The following HOOK1 variants were observed in gnomAD, a reference collection of about 807,000 sequenced individuals.
The protein encoded by HOOK1 is hook microtubule tethering protein 1.
Under a neutral mutation model 112.8 loss-of-function variants are expected in HOOK1, and 60 were observed. The ratio of observed to expected loss-of-function variants is 0.53; its 90% CI spans 0.43 to 0.66. The LOEUF is 0.66. Ranked by LOEUF, HOOK1 falls within the 30% of genes least tolerant of loss-of-function variation. The pLI is 0.00. For synonymous variants in HOOK1, 294 were observed against 283.8 expected, an observed-to-expected ratio of 1.04 and a Z score of -0.36; for missense variants, 770 against 856.0, an observed-to-expected ratio of 0.90 and a Z score of 1.25.
chr1:59,859,410 A>AT (rs1168274965), intron 14 of HOOK1, among the ~76,000 whole-genome samples: 1 of 152,084 alleles, frequency 6.6e-6, no homozygotes, highest in Non-Finnish European at 1.5e-5. Context: ...GAAGTGGTAA[A>AT]TGTATAAAGG....
chr1:59,840,560 A>G (rs2098400535), intron 8 of HOOK1, among the ~76,000 whole-genome samples, 169 bp downstream of exon 8: 1 of 152,108 alleles, frequency 6.6e-6, no homozygotes, highest in Non-Finnish European at 1.5e-5. Flanking sequence ...AATTTCATAA[A>G]TATTTTTCTC....
chr1:59,862,745 T>TAACTGTAGA, intron 15 of HOOK1, 39 bp from the exon 16 acceptor site: 1 of 1,272,714 alleles, frequency 7.9e-7, no homozygotes, highest in Middle Eastern at 1.9e-4. Context: ...TGCTTTGACT[T>TAACTGTAGA]TCAATACAAG....
intron 16 of HOOK1, chr1:59,863,915 G>C (rs2098414917): frequency 1.4e-6 from 1 of 697,524 alleles, no homozygotes; most frequent in Admixed American, 6.3e-5. Context: ...CCATACTAGA[G>C]AATACTTTTA....
chr1:59,857,443 A>G (rs2098411301), intron 12 of HOOK1, among the ~76,000 whole-genome samples: 1 of 152,226 alleles, frequency 6.6e-6, no homozygotes, highest in Non-Finnish European at 1.5e-5. Flanking sequence ...AGACTGTTGT[A>G]GGCCTTTGGT....
At chr1:59,839,273 AT>A (rs909046570) in intron 7 of HOOK1, among the ~76,000 whole-genome samples, 2 of 152,154 alleles carry the variant, frequency 1.3e-5, no homozygotes, top group African/African-American at 4.8e-5. Flanking sequence ...CTTTGAATCT[AT>A]AAATTACCTT....
At chr1:59,852,899 T>G (rs919304698) in intron 12 of HOOK1, among the ~76,000 whole-genome samples, 3 of 151,960 alleles carry the variant, frequency 2.0e-5, no homozygotes, top group Non-Finnish European at 4.4e-5. Flanking sequence ...TGGTTACTTA[T>G]GAGTATCTTG....
At chr1:59,863,007 ATC>A in intron 16 of HOOK1, 130 bp downstream of exon 16, 1 of 495,816 alleles carries the variant, frequency 2.0e-6, no homozygotes. Context: ...TACCGTATAT[ATC>A]TGCATAATAG....
At chr1:59,845,915 A>G (rs1419555524) in intron 9 of HOOK1, among the ~76,000 whole-genome samples, 1 of 151,864 alleles carries the variant, frequency 6.6e-6, no homozygotes, top group Non-Finnish European at 1.5e-5. Flanking sequence ...TGTTTTCTGA[A>G]AGAGTTTATG....
intron 1 of HOOK1, among the ~76,000 whole-genome samples, chr1:59,816,890 G>A (rs1177251941): frequency 2.6e-5 from 4 of 152,106 alleles, no homozygotes; most frequent in Non-Finnish European, 4.4e-5. Context: ...ACTGTCAAAC[G>A]CACCTTTTCT....
At chr1:59,863,217 G>T (rs575475668) in intron 16 of HOOK1, among the ~76,000 whole-genome samples, 3 of 152,270 alleles carry the variant, frequency 2.0e-5, no homozygotes, top group African/African-American at 7.2e-5. Flanking sequence ...TCATAGTTCT[G>T]CTGGAATTCC....
At position 59,876,005 on chromosome 1, in the gene HOOK1, G is replaced by T. The variant is rs530937479; in HGVS notation, c.*3040G>T. 19 of 152,752 alleles carry T rather than the reference G, an allele frequency of 1.2e-4. No individual in the cohort carries two copies. The highest frequency in any genetic ancestry group is 4.3e-4 in the African/African-American group (18 of 41,574). The allele number at this position is 152,752 out of a possible 1,614,324, so 9.5% of individuals were successfully genotyped here. A position where few individuals can be genotyped will look rare whatever the true frequency, so the allele number is the denominator to read the frequency against. On this transcript the variant is annotated 3_prime_UTR_variant, in exon 22 of 22. Coordinates refer to ENST00000371208, the MANE Select transcript of HOOK1 (RefSeq NM_015888.6). ...TGGGGATGGCCTTTAGGCCACAGTA[G>T]TGTCTGTGTTAAGTTCACTAAATGT...
chr1:59,855,787 T>A (rs1185375390), intron 12 of HOOK1, among the ~76,000 whole-genome samples: 2 of 150,144 alleles, frequency 1.3e-5, no homozygotes, highest in Non-Finnish European at 3.0e-5. Flanking sequence ...ATTTTATTTT[T>A]TTTGAGACAT....
chr1:59,842,823 T>G (rs747598375), intron 8 of HOOK1, among the ~76,000 whole-genome samples: 1 of 151,838 alleles, frequency 6.6e-6, no homozygotes, highest in Non-Finnish European at 1.5e-5. Flanking sequence ...AAAATATGAA[T>G]AAAAAAAATT....
At chr1:59,871,201 C>G in intron 21 of HOOK1, 91 bp downstream of exon 21, 3 of 810,922 alleles carry the variant, frequency 3.7e-6, no homozygotes, top group South Asian at 3.3e-5. Context: ...TATATTTTAT[C>G]TTATACCATA....
At position 59,860,344 on chromosome 1, in the gene HOOK1, G is replaced by A. The variant is rs1353995701; in HGVS notation, c.1532+16G>A. 5.2e-6 allele frequency: 8 copies of A among 1,533,626 alleles called. No homozygotes were observed. Among genetic ancestry groups the A allele is most frequent in the Non-Finnish European group, 7.0e-6 (8 of 1,142,912 alleles). ...CTGAGCAGAGGTGATATGCTCCTTA[G>A]TAACTGAAAATCTTGGTGATTTTAT... On this transcript the variant is annotated intron_variant, in intron 15 of 21. Coordinates refer to ENST00000371208, the MANE Select transcript of HOOK1 (RefSeq NM_015888.6).
intron 7 of HOOK1, 52 bp downstream of exon 7, chr1:59,836,987 T>G: frequency 8.8e-7 from 1 of 1,132,168 alleles, no homozygotes; most frequent in East Asian, 2.4e-5. Context: ...TAGGGTTTCT[T>G]TGCCAATTAC....
At chr1:59,819,753 T>C (rs1418285179) in intron 1 of HOOK1, among the ~76,000 whole-genome samples, 2 of 152,218 alleles carry the variant, frequency 1.3e-5, no homozygotes, top group East Asian at 3.9e-4. Flanking sequence ...ACTTCTAAGT[T>C]ACACATTAAA....
rs748717147 is a variant in HOOK1 at position 59,846,965 on chromosome 1, T to C, written c.789-80T>C. The C allele has an allele frequency of 5.6e-4, 633 of 1,137,296 alleles. 1 individual carries two copies. Among genetic ancestry groups the C allele is most frequent in the Non-Finnish European group, 6.9e-4 (556 of 808,692 alleles). 70.5% of individuals were successfully genotyped at this position (1,137,296 alleles called of 1,614,324 possible). On this transcript the variant is annotated intron_variant, in intron 9 of 21. Transcript: ENST00000371208. ...GTTGAGTGTTATATATGCATTTGCA[T>C]ATATAGTCATGCAAGTTACAATTAT...
chr1:59,872,858 G>A lies in HOOK1; in HGVS notation c.2080G>A (p.Asp694Asn), dbSNP rs964524369. ...RLVSGGGACS[D>N]TGACTPARSF... ...TGTGAGCGGCGGTGGTGCCTGCAGT[G>A]ACACTGGTGCGTGCACTCCTGCGCG... The change falls in exon 22 of 22, where the codon GAC becomes AAC. Residue 694 changes from aspartate to asparagine, a missense_variant. By Grantham distance (23) the Asp-to-Asn change is conservative. Coordinates refer to ENST00000371208, the MANE Select transcript of HOOK1 (RefSeq NM_015888.6). 17 of 1,496,826 alleles carry A rather than the reference G, an allele frequency of 1.1e-5. No homozygotes were observed. Among genetic ancestry groups the A allele is most frequent in the Admixed American group, 2.1e-5 (1 of 48,388 alleles). 92.7% of individuals were successfully genotyped at this position (1,496,826 alleles called of 1,614,324 possible).
Sources: gnomAD v4.1 joint callset for allele counts (sites outside exome capture counted in the v4.1 genomes callset) on GRCh38, gnomAD v4.1.1 for gene constraint, MANE v1.5 for transcripts, NCBI Gene and HGNC (gene_info 2026-07-23, HGNC 2026-07-21) for gene names.